Variants in GPC6 observed in about 807,000 individuals in gnomAD.
GPC6 encodes the protein glypican-6.
GPC6 carries 14 observed loss-of-function variants against 55.2 expected under a neutral mutation model. That is an observed-to-expected ratio of 0.25 (90% CI 0.17 to 0.40). The LOEUF (loss-of-function observed/expected upper bound fraction) is 0.40, where lower values mean the gene tolerates loss of function less well. GPC6 is among the 10% of genes least tolerant of loss of function. The probability of loss-of-function intolerance (pLI) is 1.00; values close to 1 mark genes in which losing one functional copy is unlikely to be tolerated. For missense variants in GPC6, 641 were observed against 708.5 expected, an observed-to-expected ratio of 0.90 and a Z score of 1.08; for synonymous variants, 278 against 259.6, an observed-to-expected ratio of 1.07 and a Z score of -0.68.
chr13:93,415,220 C>G (rs992514532), intron 1 of GPC6, among the ~76,000 whole-genome samples: 1 of 151,960 alleles, frequency 6.6e-6, no homozygotes, highest in Non-Finnish European at 1.5e-5. Flanking sequence ...CTGAGGATTG[C>G]GGAAGCTGAT....
intron 4 of GPC6, among the ~76,000 whole-genome samples, chr13:94,190,186 G>A (rs1335796508): frequency 6.6e-6 from 1 of 151,984 alleles, no homozygotes; most frequent in Non-Finnish European, 1.5e-5. Flanking sequence ...AGCCAGGCAT[G>A]GTGGTGGGTG....
intron 4 of GPC6, among the ~76,000 whole-genome samples, chr13:94,103,160 G>A (rs554372366): frequency 1.3e-5 from 2 of 152,226 alleles, no homozygotes; most frequent in East Asian, 3.9e-4. Context: ...CCTTGCAATA[G>A]TTTGCTGAGA....
rs74566689 is a variant in GPC6 at position 93,662,014 on chromosome 13, G to A, written c.319+116593G>A. ...CCTAAAAACTGTGTGGGATACTGCC[G>A]GTCCCCAAAACTGTTCAGAAAGACA... is the stretch of plus-strand genomic sequence containing the variant. On this transcript the variant is annotated intron_variant, in intron 2 of 8. Transcript: ENST00000377047. 4.5e-3 allele frequency among the ~76,000 whole-genome samples: 678 copies of A among 152,124 alleles called. 2 individuals carry two copies. Among genetic ancestry groups the A allele is most frequent in the African/African-American group, 0.015 (621 of 41,502 alleles).
intron 3 of GPC6, among the ~76,000 whole-genome samples, chr13:93,932,157 C>A (rs1878210859): frequency 6.6e-6 from 1 of 152,200 alleles, no homozygotes; most frequent in Non-Finnish European, 1.5e-5. Flanking sequence ...TCAGATTAAT[C>A]TGCTGCTTAA....
chr13:93,404,355 G>A (rs1193682776), intron 1 of GPC6, among the ~76,000 whole-genome samples: 1 of 152,092 alleles, frequency 6.6e-6, no homozygotes, highest in Non-Finnish European at 1.5e-5. Context: ...GTGTGGACCA[G>A]GTTACAGTAA....
intron 1 of GPC6, among the ~76,000 whole-genome samples, chr13:93,279,487 T>C (rs189387146): frequency 6.6e-6 from 1 of 152,240 alleles, no homozygotes; most frequent in East Asian, 1.9e-4. Flanking sequence ...TTGAACCTTA[T>C]TTCCAATATT....
At position 94,382,445 on chromosome 13, in the gene GPC6, C is replaced by A. The variant is rs772066024; in HGVS notation, c.1184C>A (p.Ser395Tyr). The A allele has an allele frequency of 6.2e-7, 1 of 1,614,108 alleles. No homozygotes were observed. The highest frequency in any genetic ancestry group is 8.5e-7 in the Non-Finnish European group (1 of 1,179,960). The change falls in exon 7 of 9, where the codon TCT (serine) becomes TAT (tyrosine). Residue 395 changes from serine (S) to tyrosine (Y), a missense_variant. Ser to Tyr is a moderately radical substitution (Grantham distance 144). Coordinates refer to ENST00000377047, the MANE Select transcript of GPC6 (RefSeq NM_005708.5). ...GACATAAAAGAGAAATTGAAGCTCT[C>A]TAAAAAGGTCTGGTCAGCATTACCC... ...VTDIKEKLKL[S>Y]KKVWSALPYT...
At chr13:93,622,642 A>G (rs918100391) in intron 2 of GPC6, among the ~76,000 whole-genome samples, 1 of 152,160 alleles carries the variant, frequency 6.6e-6, no homozygotes, top group African/African-American at 2.4e-5. Flanking sequence ...TTGACATGTA[A>G]TAAGTGTACA....
At chr13:94,303,268 T>C (rs1284990497) in intron 5 of GPC6, among the ~76,000 whole-genome samples, 1 of 152,242 alleles carries the variant, frequency 6.6e-6, no homozygotes, top group Non-Finnish European at 1.5e-5. Context: ...TCCCTCCCCC[T>C]GTGCTCTTAG....
intron 1 of GPC6, among the ~76,000 whole-genome samples, chr13:93,301,127 C>T (rs559217824): frequency 1.1e-4 from 17 of 152,296 alleles, no homozygotes; most frequent in Non-Finnish European, 1.6e-4. Context: ...AACTCATTTA[C>T]GCATTCATTG....
intron 3 of GPC6, among the ~76,000 whole-genome samples, chr13:93,866,582 G>A (rs1888971735): frequency 6.6e-6 from 1 of 151,740 alleles, no homozygotes. Flanking sequence ...CATGGATGGA[G>A]CTGGAGGCCA....
At chr13:94,320,413 T>A (rs370747278) in intron 6 of GPC6, among the ~76,000 whole-genome samples, 1 of 152,226 alleles carries the variant, frequency 6.6e-6, no homozygotes, top group Non-Finnish European at 1.5e-5. Context: ...TATTTCCTTA[T>A]AGATGTCATG....
intron 3 of GPC6, among the ~76,000 whole-genome samples, chr13:93,965,602 T>C (rs1880005539): frequency 6.6e-6 from 1 of 152,046 alleles, no homozygotes; most frequent in Non-Finnish European, 1.5e-5. Context: ...TGTCTCACCC[T>C]CTTAAAACTT....
At chr13:93,516,431 C>A (rs1881194018) in intron 1 of GPC6, among the ~76,000 whole-genome samples, 1 of 151,984 alleles carries the variant, frequency 6.6e-6, no homozygotes, top group Non-Finnish European at 1.5e-5. Flanking sequence ...TGTGGACCTC[C>A]CATACTGCCA....
intron 3 of GPC6, among the ~76,000 whole-genome samples, chr13:93,883,357 A>G (rs1407201198): frequency 1.3e-5 from 2 of 152,150 alleles, no homozygotes; most frequent in African/African-American, 4.8e-5. Context: ...CACTCTGCCA[A>G]CATAGTTAAT....
chr13:93,987,288 A>G (rs1287824753), intron 3 of GPC6, among the ~76,000 whole-genome samples: 1 of 152,204 alleles, frequency 6.6e-6, no homozygotes, highest in East Asian at 1.9e-4. Context: ...TTATGCATCC[A>G]TGCATTCATT....
chr13:93,349,596 T>C (rs1383329301), intron 1 of GPC6, among the ~76,000 whole-genome samples: 1 of 152,210 alleles, frequency 6.6e-6, no homozygotes, highest in Non-Finnish European at 1.5e-5. Flanking sequence ...GGAGCATATT[T>C]AGAAAGTTTC....
intron 2 of GPC6, among the ~76,000 whole-genome samples, chr13:93,695,612 C>G (rs1392978530): frequency 1.3e-5 from 2 of 151,980 alleles, no homozygotes; most frequent in African/African-American, 2.4e-5. Flanking sequence ...CATATTGGCA[C>G]AATATTTCTT....
intron 3 of GPC6, among the ~76,000 whole-genome samples, chr13:93,848,853 G>A (rs1888294425): frequency 6.6e-6 from 1 of 151,974 alleles, no homozygotes; most frequent in Non-Finnish European, 1.5e-5. Flanking sequence ...TACTCATTGT[G>A]CCTTCCTCTC....
Sources: allele counts gnomAD v4.1 joint callset (sites outside exome capture counted in the v4.1 genomes callset), GRCh38; gene constraint gnomAD v4.1.1; transcripts MANE v1.5; gene names NCBI Gene and HGNC (gene_info 2026-07-23, HGNC 2026-07-21).